OSBPL1A: variants seen among roughly 807,000 people sequenced by gnomAD.
OSBPL1A encodes the protein oxysterol binding protein like 1A.
OSBPL1A carries 80 observed loss-of-function variants against 137.1 expected under a neutral mutation model. That is an observed-to-expected ratio of 0.58 (90% confidence interval 0.49 to 0.70). OSBPL1A has a LOEUF of 0.70. Ranked by LOEUF, OSBPL1A falls within the 30% of genes least tolerant of loss-of-function variation. The probability of loss-of-function intolerance (pLI) is 0.00; values close to 1 mark genes in which losing one functional copy is unlikely to be tolerated. For synonymous variants in OSBPL1A, 365 were observed against 389.7 expected (o/e 0.94, Z 0.75); for missense variants, 970 against 1,129.4 (o/e 0.86, Z 2.02).
At chr18:24,253,444 TG>T (rs377588705) in intron 15 of OSBPL1A, among the ~76,000 whole-genome samples, 9 of 152,288 alleles carry the variant, frequency 5.9e-5, no homozygotes, top group African/African-American at 2.2e-4. Context: ...AACCGCCCAA[TG>T]GGCTCACCTT....
chr18:24,362,857 AAACT>A (rs1405556398), intron 4 of OSBPL1A, among the ~76,000 whole-genome samples: 1 of 152,206 alleles, frequency 6.6e-6, no homozygotes, highest in Non-Finnish European at 1.5e-5. Context: ...TTAAAGAAAC[AAACT>A]GAGAGGCAGT....
At chr18:24,300,986 G>A (rs1043410190) in intron 14 of OSBPL1A, among the ~76,000 whole-genome samples, 4 of 152,220 alleles carry the variant, frequency 2.6e-5, no homozygotes, top group African/African-American at 4.8e-5. Context: ...GTACCACCAC[G>A]CCTGGCTAAT....
intron 15 of OSBPL1A, among the ~76,000 whole-genome samples, chr18:24,239,908 C>T (rs2088630884): frequency 2.1e-5 from 3 of 143,616 alleles, no homozygotes; most frequent in South Asian, 2.2e-4. Flanking sequence ...TACAAACATT[C>T]TATTTTTCAT....
At chr18:24,183,782 C>T (rs58496317) in intron 18 of OSBPL1A, among the ~76,000 whole-genome samples, 4,196 of 152,254 alleles carry the variant, frequency 0.028, 146 homozygotes, top group African/African-American at 0.086. Flanking sequence ...TGTATTGACT[C>T]ATTACACCTT....
intron 14 of OSBPL1A, among the ~76,000 whole-genome samples, chr18:24,292,544 G>A (rs948732413): frequency 1.5e-4 from 23 of 152,042 alleles, no homozygotes; most frequent in African/African-American, 4.8e-4. Context: ...GAGAGACGGC[G>A]AGAGAGAGGA....
chr18:24,320,371 G>A (rs2090824991), intron 7 of OSBPL1A, among the ~76,000 whole-genome samples: 1 of 152,146 alleles, frequency 6.6e-6, no homozygotes, highest in Admixed American at 6.5e-5. Context: ...TAAATGATTT[G>A]ACAGAGTAAC....
rs200729404 is a variant in OSBPL1A, at chr18:24,271,598, C to G, written c.1281+9244G>C. ...GCCCCAGGCTGCCCCGCAAAGCCAC[C>G]GAGCTGCAAATACACCCACCTACCT... On this transcript the variant is annotated intron_variant, in intron 15 of 27. Transcript: ENST00000319481. This position sits in a 1 kb window ranked among gnomAD's most constrained non-coding sequence, Gnocchi z 4.0. The G allele has an allele frequency of 1.4e-4, 137 of 986,756 alleles. 1 individual carries two copies. The East Asian group carries it at 9.5e-3, about 68-fold the overall frequency. The allele number at this position is 986,756 out of a possible 1,614,324, so 61.1% of individuals were successfully genotyped here.
chr18:24,391,076 T>G (rs1399700994), intron 1 of OSBPL1A, among the ~76,000 whole-genome samples: 1 of 152,042 alleles, frequency 6.6e-6, no homozygotes, highest in Non-Finnish European at 1.5e-5. Context: ...CACTACAGCC[T>G]GGGCGACAAA....
chr18:24,258,150 G>A (rs147541316), intron 15 of OSBPL1A, among the ~76,000 whole-genome samples: 69 of 152,300 alleles, frequency 4.5e-4, no homozygotes, highest in African/African-American at 1.5e-3. Flanking sequence ...GCAGTATACG[G>A]AAGAGATATC....
chr18:24,296,310 C>T (rs574955646), intron 14 of OSBPL1A, among the ~76,000 whole-genome samples: 2 of 152,176 alleles, frequency 1.3e-5, no homozygotes, highest in Admixed American at 6.5e-5. Context: ...AGCTTGGTCG[C>T]TGTTGCTGTA....
chr18:24,391,093 C>T (rs1907323949), intron 1 of OSBPL1A, among the ~76,000 whole-genome samples: 2 of 152,112 alleles, frequency 1.3e-5, no homozygotes, highest in Non-Finnish European at 2.9e-5. Flanking sequence ...CAAAGCAAGA[C>T]TCTGTCTCAA....
At chr18:24,382,138 T>C (rs1154203) in intron 1 of OSBPL1A, among the ~76,000 whole-genome samples, 147,439 of 151,642 alleles carry the variant, frequency 0.97, 71,703 homozygotes, top group East Asian at 1. Context: ...CAGTGGCTCA[T>C]GCCTGTAATC....
chr18:24,272,653 C>T (rs2089750921), intron 15 of OSBPL1A, among the ~76,000 whole-genome samples: 1 of 152,144 alleles, frequency 6.6e-6, no homozygotes, highest in African/African-American at 2.4e-5. Context: ...TGTTTCAAAC[C>T]TTTCACCTTA....
chr18:24,288,260 G>A (rs2090105506), intron 14 of OSBPL1A, among the ~76,000 whole-genome samples: 1 of 152,194 alleles, frequency 6.6e-6, no homozygotes, highest in Non-Finnish European at 1.5e-5. Flanking sequence ...GGTCACTGTT[G>A]CTGCACAGAG....
intron 17 of OSBPL1A, among the ~76,000 whole-genome samples, chr18:24,209,876 G>A (rs559059575): frequency 9.9e-5 from 15 of 152,276 alleles, no homozygotes; most frequent in African/African-American, 3.6e-4. Context: ...GTGGGGGATC[G>A]ACTGAAAGGA....
chr18:24,277,982 A>C (rs2089881787), intron 15 of OSBPL1A, among the ~76,000 whole-genome samples: 1 of 152,260 alleles, frequency 6.6e-6, no homozygotes, highest in South Asian at 2.1e-4. Context: ...GTATGCTAAC[A>C]TACTCTATAT....
intron 14 of OSBPL1A, chr18:24,302,886 A>T (rs921016543): frequency 4.6e-5 from 7 of 152,210 alleles, no homozygotes; most frequent in Non-Finnish European, 1.0e-4. Flanking sequence ...TATTTTATGG[A>T]TGAGGGCACT....
intron 4 of OSBPL1A, among the ~76,000 whole-genome samples, chr18:24,358,689 T>TGA (rs145743105): frequency 0.017 from 2,642 of 152,138 alleles, 72 homozygotes; most frequent in African/African-American, 0.061. Context: ...GTATGTTAGG[T>TGA]GAGATAGAGA....
At chr18:24,226,043 A>G (rs909656370) in intron 16 of OSBPL1A, among the ~76,000 whole-genome samples, 5 of 152,202 alleles carry the variant, frequency 3.3e-5, no homozygotes, top group Non-Finnish European at 7.3e-5. Flanking sequence ...CAAGGACAAA[A>G]GCCCGAAGCA....
Sources: gnomAD v4.1 joint callset for allele counts (sites outside exome capture counted in the v4.1 genomes callset) on GRCh38, gnomAD v4.1.1 for gene constraint, Gnocchi (gnomAD v3.1) non-coding constraint, MANE v1.5 for transcripts, NCBI Gene and HGNC (gene_info 2026-07-23, HGNC 2026-07-21) for gene names.